MYRIP: variants seen among roughly 807,000 people sequenced by gnomAD.
The protein encoded by MYRIP is myosin VIIA and Rab interacting protein.
MYRIP carries 49 observed loss-of-function variants against 98.0 expected under a neutral mutation model. That is an observed-to-expected ratio of 0.50 (90% confidence interval 0.40 to 0.63). MYRIP has a LOEUF of 0.63. Ranked by LOEUF, MYRIP falls within the 30% of genes least tolerant of loss-of-function variation. The pLI is 0.00. For synonymous variants in MYRIP, 404 were observed against 409.5 expected, an observed-to-expected ratio of 0.99 and a Z score of 0.16; for missense variants, 1,004 against 1,058.2, an observed-to-expected ratio of 0.95 and a Z score of 0.71.
At chr3:40,069,841 G>T (rs1218106720) in intron 3 of MYRIP, among the ~76,000 whole-genome samples, 3 of 152,164 alleles carry the variant, frequency 2.0e-5, no homozygotes, top group East Asian at 3.9e-4. Context: ...GCTCCTAGGA[G>T]AATCTAATGC....
At chr3:39,874,023 G>A (rs1351166678) in intron 1 of MYRIP, among the ~76,000 whole-genome samples, 2 of 149,692 alleles carry the variant, frequency 1.3e-5, no homozygotes, top group Admixed American at 6.6e-5. Flanking sequence ...CTTGAGCAGT[G>A]GTTTGTAGTT....
At chr3:40,125,536 G>A (rs931465231) in intron 3 of MYRIP, among the ~76,000 whole-genome samples, 2 of 152,064 alleles carry the variant, frequency 1.3e-5, no homozygotes, top group Non-Finnish European at 2.9e-5. Context: ...ATCTCCTTTG[G>A]CAACACCCTC....
chr3:39,873,313 C>A (rs1047350968), intron 1 of MYRIP, among the ~76,000 whole-genome samples: 1 of 152,012 alleles, frequency 6.6e-6, no homozygotes, highest in African/African-American at 2.4e-5. Context: ...ATGGTAGTTT[C>A]TTTTGCTGTG....
chr3:39,965,961 T>TA (rs1945430209), intron 2 of MYRIP, among the ~76,000 whole-genome samples: 1 of 152,180 alleles, frequency 6.6e-6, no homozygotes, highest in Non-Finnish European at 1.5e-5. Flanking sequence ...TGCAATGAAA[T>TA]ACACATTGTG....
chr3:40,050,543 C>T (rs1371662180), intron 3 of MYRIP, among the ~76,000 whole-genome samples: 1 of 151,982 alleles, frequency 6.6e-6, no homozygotes, highest in African/African-American at 2.4e-5. Flanking sequence ...TGAAAATATA[C>T]AAGGAGATGA....
intron 2 of MYRIP, among the ~76,000 whole-genome samples, chr3:39,902,544 G>T (rs1943767241): frequency 6.6e-6 from 1 of 152,144 alleles, no homozygotes. Context: ...CCGTGGGTGT[G>T]CCCTAAACCT....
At position 40,162,867 on chromosome 3, in the gene MYRIP, C is replaced by T. The variant is rs1206575836; in HGVS notation, c.550+57C>T. On this transcript the variant is annotated intron_variant, in intron 5 of 16. Coordinates refer to ENST00000302541, the MANE Select transcript of MYRIP (RefSeq NM_015460.4). ...GAAGTTGGAGTAATAGAAACACCTA[C>T]AGGTACAGGTACTGCCAGGGTCCCC... The T allele has an allele frequency of 3.4e-6, 5 of 1,473,662 alleles. No individual in the cohort carries two copies. In the African/African-American group the frequency reaches 6.9e-5, roughly 20 times the overall value. 91.3% of individuals were successfully genotyped at this position (1,473,662 alleles called of 1,614,324 possible). A position where few individuals can be genotyped will look rare whatever the true frequency, so the allele number is the denominator to read the frequency against.
At chr3:40,150,800 T>C (rs1422430949) in intron 3 of MYRIP, among the ~76,000 whole-genome samples, 1 of 152,144 alleles carries the variant, frequency 6.6e-6, no homozygotes, top group Non-Finnish European at 1.5e-5. Flanking sequence ...ACAGGCTAGC[T>C]TGGGCTTACT....
chr3:39,878,078 A>G (rs1378933776), intron 1 of MYRIP, among the ~76,000 whole-genome samples: 2 of 152,146 alleles, frequency 1.3e-5, no homozygotes, highest in Non-Finnish European at 2.9e-5. Flanking sequence ...CCTCGCTGCC[A>G]CCTTGCAGTT....
intron 2 of MYRIP, among the ~76,000 whole-genome samples, chr3:40,037,144 T>C (rs1947402328): frequency 6.6e-6 from 1 of 152,128 alleles, no homozygotes; most frequent in Non-Finnish European, 1.5e-5. Context: ...TATGTCTTGC[T>C]CTCAGTGAAT....
At chr3:39,895,636 T>G (rs1257823572) in intron 1 of MYRIP, among the ~76,000 whole-genome samples, 1 of 152,206 alleles carries the variant, frequency 6.6e-6, no homozygotes, top group Non-Finnish European at 1.5e-5. Context: ...ACTAATATTG[T>G]AAAGATGGCA....
At chr3:39,985,080 T>G (rs1361887080) in intron 2 of MYRIP, among the ~76,000 whole-genome samples, 1 of 151,914 alleles carries the variant, frequency 6.6e-6, no homozygotes, top group Admixed American at 6.6e-5. Flanking sequence ...GGTTTTGTTT[T>G]TTTCTTGTAA....
intron 3 of MYRIP, among the ~76,000 whole-genome samples, chr3:40,122,538 AT>A (rs924944997): frequency 2.0e-5 from 3 of 151,812 alleles, no homozygotes; most frequent in South Asian, 2.1e-4. Context: ...TTTTCTACAC[AT>A]TTTTTTCTAT....
chr3:40,200,286 A>T (rs1390192809), intron 10 of MYRIP, among the ~76,000 whole-genome samples: 2 of 151,812 alleles, frequency 1.3e-5, no homozygotes, highest in South Asian at 2.1e-4. Flanking sequence ...CGCAAAAAAA[A>T]ATTTTGTTAT....
chr3:39,975,081 A>G (rs912442863), intron 2 of MYRIP, among the ~76,000 whole-genome samples: 32 of 152,320 alleles, frequency 2.1e-4, no homozygotes, highest in African/African-American at 7.0e-4. Flanking sequence ...AGGGTATTCA[A>G]TTAGGAAAAA....
chr3:40,084,699 C>A (rs1044717571), intron 3 of MYRIP, among the ~76,000 whole-genome samples: 1 of 147,514 alleles, frequency 6.8e-6, no homozygotes, highest in Non-Finnish European at 1.5e-5. Flanking sequence ...TATTACATAT[C>A]GATAGATAAT....
intron 1 of MYRIP, among the ~76,000 whole-genome samples, chr3:39,880,928 T>C (rs1223962449): frequency 6.6e-6 from 1 of 152,158 alleles, no homozygotes; most frequent in East Asian, 1.9e-4. Flanking sequence ...TAATTTATTC[T>C]TCTCAATCCT....
chr3:40,152,576 G>C (rs568124025), intron 4 of MYRIP, among the ~76,000 whole-genome samples: 13 of 152,162 alleles, frequency 8.5e-5, no homozygotes, highest in Non-Finnish European at 1.5e-4. Context: ...AGAATTCTTT[G>C]CTAAGAATAA....
chr3:40,044,096 C>T lies in MYRIP; in HGVS notation c.157C>T (p.Leu53Phe), dbSNP rs1262639210. Residue 53 changes from leucine (L) to phenylalanine (F), a missense_variant, in exon 3 of 17, where the codon CTC becomes TTC. Physicochemically the swap from Leu to Phe is conservative, Grantham distance 22. This residue lies in a region of MYRIP where 880 missense variants were observed against 907.7 expected (regional missense o/e 0.97). Transcript: ENST00000302541. ...TGAGGAAGGCAGCAAGTGCAGCATC[C>T]TCTCGAAGCACCAGCAGTTTGTGGA... ...LDEEGSKCSI[L>F]SKHQQFVEHC... 2 of 1,614,134 alleles carry T rather than the reference C, an allele frequency of 1.2e-6. No homozygotes were observed. Among genetic ancestry groups the T allele is most frequent in the Non-Finnish European group, 1.7e-6 (2 of 1,180,008 alleles).
Sources: gnomAD v4.1 joint callset for allele counts (sites outside exome capture counted in the v4.1 genomes callset) on GRCh38, gnomAD v4.1.1 for gene constraint, gnomAD v4.1.1 regional missense constraint, MANE v1.5 for transcripts, NCBI Gene and HGNC (gene_info 2026-07-23, HGNC 2026-07-21) for gene names.